The following ITGA9 variants were observed in gnomAD, a reference collection of about 807,000 sequenced individuals.
ITGA9 encodes integrin subunit alpha 9, also known as integrin alpha-9.
ITGA9 carries 56 observed loss-of-function variants against 127.8 expected under a neutral mutation model. That is an observed-to-expected ratio of 0.44 (90% CI 0.35 to 0.55). The LOEUF is 0.55. Among genes scored for constraint, ITGA9 ranks in the 20% least tolerant of loss-of-function variants. ITGA9 has a pLI of 0.00. For missense variants in ITGA9, 1,196 were observed against 1,347.1 expected (o/e 0.89, Z 1.76); for synonymous variants, 508 against 514.5 (o/e 0.99, Z 0.17).
At chr3:37,725,697 C>T (rs1696181988) in intron 18 of ITGA9, among the ~76,000 whole-genome samples, 1 of 152,164 alleles carries the variant, frequency 6.6e-6, no homozygotes, top group Non-Finnish European at 1.5e-5. Flanking sequence ...AAAACACTAC[C>T]TGGCACACAG....
At chr3:37,765,308 A>G (rs1696767742) in intron 23 of ITGA9, among the ~76,000 whole-genome samples, 3 of 152,174 alleles carry the variant, frequency 2.0e-5, no homozygotes, top group Admixed American at 2.0e-4. Flanking sequence ...AAATTTTGAA[A>G]TAAGAGATTG....
At chr3:37,587,169 T>C (rs1233268198) in intron 15 of ITGA9, among the ~76,000 whole-genome samples, 2 of 152,206 alleles carry the variant, frequency 1.3e-5, no homozygotes, top group Non-Finnish European at 2.9e-5. Context: ...CCTCAATTAA[T>C]TGAACCAATA....
chr3:37,741,864 C>CTGTGT, intron 21 of ITGA9, 45 bp downstream of exon 21: 1 of 1,429,400 alleles, frequency 7.0e-7, no homozygotes, highest in Non-Finnish European at 9.8e-7. Context: ...GAGTGCCCTC[C>CTGTGT]AGTGGAACAC....
At chr3:37,680,051 G>A (rs1003449435) in intron 17 of ITGA9, among the ~76,000 whole-genome samples, 2 of 152,156 alleles carry the variant, frequency 1.3e-5, no homozygotes, top group African/African-American at 2.4e-5. Flanking sequence ...TGATAGTCAG[G>A]GGGCTGGAGA....
chr3:37,519,087 T>C (rs1699017516), intron 10 of ITGA9, among the ~76,000 whole-genome samples, 173 bp from the exon 11 acceptor site: 1 of 20,490 alleles, frequency 4.9e-5, no homozygotes, highest in African/African-American at 2.7e-4. Context: ...ACTGGCCTAC[T>C]TTTTTTTTTT....
intron 15 of ITGA9, among the ~76,000 whole-genome samples, chr3:37,591,225 T>C (rs1266529007): frequency 6.6e-6 from 1 of 152,206 alleles, no homozygotes; most frequent in Non-Finnish European, 1.5e-5. Context: ...TCATCATGTC[T>C]GTGTGAAAAC....
chr3:37,706,916 A>G (rs906116879), intron 18 of ITGA9, among the ~76,000 whole-genome samples: 27 of 152,158 alleles, frequency 1.8e-4, no homozygotes, highest in Admixed American at 6.5e-4. Context: ...AAGACAGTCT[A>G]TGTTCTAAGT....
At chr3:37,516,382 T>G (rs1237301039) in intron 9 of ITGA9, among the ~76,000 whole-genome samples, 1 of 152,156 alleles carries the variant, frequency 6.6e-6, no homozygotes, top group Non-Finnish European at 1.5e-5. Context: ...CTGTGTGATG[T>G]GGACAAATGG....
intron 18 of ITGA9, among the ~76,000 whole-genome samples, chr3:37,728,044 C>T (rs1696236776): frequency 6.6e-6 from 1 of 152,244 alleles, no homozygotes; most frequent in Admixed American, 6.5e-5. Context: ...TCTGCACTAG[C>T]AGTCAGGGAC....
intron 4 of ITGA9, among the ~76,000 whole-genome samples, chr3:37,490,979 T>C (rs1579061105): frequency 1.5e-5 from 2 of 135,248 alleles, no homozygotes; most frequent in African/African-American, 2.7e-5. Flanking sequence ...CCCCCGCTTT[T>C]TTTTTTTTTT....
intron 23 of ITGA9, among the ~76,000 whole-genome samples, chr3:37,751,131 A>G (rs1696580819): frequency 6.6e-6 from 1 of 152,218 alleles, no homozygotes; most frequent in African/African-American, 2.4e-5. Flanking sequence ...AATTTCTGGC[A>G]TTGCTGCCCT....
intron 14 of ITGA9, among the ~76,000 whole-genome samples, chr3:37,536,448 G>A (rs1394695896): frequency 6.6e-6 from 1 of 152,240 alleles, no homozygotes; most frequent in African/African-American, 2.4e-5. Context: ...TGTCAGAAGT[G>A]GTATCTTCTG....
intron 15 of ITGA9, among the ~76,000 whole-genome samples, chr3:37,601,526 A>G (rs1559546383): frequency 6.6e-6 from 1 of 152,210 alleles, no homozygotes; most frequent in Non-Finnish European, 1.5e-5. Flanking sequence ...AATTCCCTAG[A>G]AGCAGCATAT....
chr3:37,657,129 C>T (rs983347286), intron 17 of ITGA9, among the ~76,000 whole-genome samples: 1 of 152,144 alleles, frequency 6.6e-6, no homozygotes, highest in African/African-American at 2.4e-5. Context: ...TGATGTTCAT[C>T]AGGGATATTG....
chr3:37,763,568 A>G (rs1448445121), intron 23 of ITGA9, among the ~76,000 whole-genome samples: 1 of 152,212 alleles, frequency 6.6e-6, no homozygotes, highest in African/African-American at 2.4e-5. Flanking sequence ...TTTTGCTGGC[A>G]GCAGCAGTTG....
intron 26 of ITGA9, among the ~76,000 whole-genome samples, chr3:37,797,206 C>T (rs1697184008): frequency 6.6e-6 from 1 of 152,030 alleles, no homozygotes; most frequent in South Asian, 2.1e-4. Flanking sequence ...GTGGTGTTTG[C>T]CTGTAGTCCC....
At chr3:37,710,446 G>A (rs1701067446) in intron 18 of ITGA9, among the ~76,000 whole-genome samples, 1 of 152,134 alleles carries the variant, frequency 6.6e-6, no homozygotes, top group South Asian at 2.1e-4. Context: ...GATAACGTCG[G>A]AGGATGAACC....
chr3:37,744,124 G>A (rs1696472183), intron 22 of ITGA9, 90 bp downstream of exon 22: 1 of 882,158 alleles, frequency 1.1e-6, no homozygotes, highest in Non-Finnish European at 1.9e-6. Context: ...GCTCTTGTCA[G>A]GAGAAACCCT....
At chr3:37,719,279 G>A (rs978570383) in intron 18 of ITGA9, among the ~76,000 whole-genome samples, 1 of 152,182 alleles carries the variant, frequency 6.6e-6, no homozygotes, top group Non-Finnish European at 1.5e-5. Context: ...CCCAGGAGTA[G>A]CAAAGTGGAT....
Sources: gnomAD v4.1 joint callset for allele counts (sites outside exome capture counted in the v4.1 genomes callset) on GRCh38, gnomAD v4.1.1 for gene constraint, MANE v1.5 for transcripts, NCBI Gene and HGNC (gene_info 2026-07-23, HGNC 2026-07-21) for gene names.